The following CACNA2D3 variants were observed in gnomAD, a reference collection of about 807,000 sequenced individuals.
The protein encoded by CACNA2D3 is calcium voltage-gated channel auxiliary subunit alpha2delta 3.
A neutral mutation model predicts 160.6 loss-of-function variants in CACNA2D3; 60 were observed. That is an observed-to-expected ratio of 0.37 (90% CI 0.30 to 0.46). CACNA2D3 has a LOEUF of 0.46. Among genes scored for constraint, CACNA2D3 ranks in the 20% least tolerant of loss-of-function variants. The pLI is 1.00. For missense variants in CACNA2D3, 1,205 were observed against 1,365.0 expected, an observed-to-expected ratio of 0.88 and a Z score of 1.85; for synonymous variants, 558 against 492.9, an observed-to-expected ratio of 1.13 and a Z score of -1.75.
At chr3:54,709,269 C>T (rs1016334489) in intron 11 of CACNA2D3, among the ~76,000 whole-genome samples, 6 of 151,978 alleles carry the variant, frequency 3.9e-5, no homozygotes, top group African/African-American at 7.3e-5. Context: ...CCTGCCTTGG[C>T]GTCCCAAAGT....
At chr3:54,719,166 T>TC (rs1382948771) in intron 11 of CACNA2D3, among the ~76,000 whole-genome samples, 2 of 145,724 alleles carry the variant, frequency 1.4e-5, no homozygotes, top group East Asian at 3.9e-4. Flanking sequence ...TGGATTTCTT[T>TC]TTTTTTTTTT....
At chr3:55,067,352 G>A (rs1704681745) in intron 35 of CACNA2D3, among the ~76,000 whole-genome samples, 1 of 152,196 alleles carries the variant, frequency 6.6e-6, no homozygotes, top group Non-Finnish European at 1.5e-5. Flanking sequence ...GGGCTCCGGA[G>A]GGCTGCAACT....
chr3:54,819,089 C>T (rs1484131755), intron 14 of CACNA2D3, among the ~76,000 whole-genome samples: 1 of 151,290 alleles, frequency 6.6e-6, no homozygotes, highest in African/African-American at 2.4e-5. Context: ...CTCAGTGACA[C>T]TTGCAAGAGG....
At chr3:54,845,704 A>G (rs1698917236) in intron 16 of CACNA2D3, among the ~76,000 whole-genome samples, 2 of 152,262 alleles carry the variant, frequency 1.3e-5, no homozygotes, top group Non-Finnish European at 2.9e-5. Context: ...ATTGCTCACA[A>G]ACTATTTCCC....
intron 4 of CACNA2D3, among the ~76,000 whole-genome samples, chr3:54,429,713 C>A (rs1229470191): frequency 6.6e-6 from 1 of 152,148 alleles, no homozygotes; most frequent in Non-Finnish European, 1.5e-5. Flanking sequence ...TGGTACCCAG[C>A]AATATGAAGC....
chr3:55,072,296 A>G (rs939361824), intron 35 of CACNA2D3, among the ~76,000 whole-genome samples: 3 of 152,136 alleles, frequency 2.0e-5, no homozygotes, highest in African/African-American at 7.2e-5. Flanking sequence ...AAAGAAAGAA[A>G]CCAATTGTGT....
At chr3:54,318,816 C>T (rs1218525404) in intron 2 of CACNA2D3, among the ~76,000 whole-genome samples, 2 of 151,280 alleles carry the variant, frequency 1.3e-5, no homozygotes, top group South Asian at 4.2e-4. Flanking sequence ...CACTTCAGCT[C>T]ACCAAGCAGT....
At position 54,925,414 on chromosome 3, in the gene CACNA2D3, C is replaced by T. The variant is rs1478244383; in HGVS notation, c.2449+25546C>T. Among the ~76,000 whole-genome samples, 5 of 152,302 alleles carry T rather than the reference C, an allele frequency of 3.3e-5. No individual in the cohort carries two copies. The East Asian group carries it at 9.6e-4, about 29-fold the overall frequency. On this transcript the variant is annotated intron_variant, in intron 27 of 37. Transcript: ENST00000474759. ...ACATCCCCAGTGTCATTACCTTCTG[C>T]AGTCTTTGTGCCACCTATCGTCTGA...
At chr3:54,495,222 T>C (rs776140883) in intron 4 of CACNA2D3, among the ~76,000 whole-genome samples, 1 of 152,186 alleles carries the variant, frequency 6.6e-6, no homozygotes, top group Non-Finnish European at 1.5e-5. Flanking sequence ...CTGGGTGACA[T>C]CTTACAGTGA....
intron 21 of CACNA2D3, among the ~76,000 whole-genome samples, chr3:54,882,909 GC>G (rs1433352015): frequency 6.6e-6 from 1 of 152,210 alleles, no homozygotes; most frequent in African/African-American, 2.4e-5. Context: ...CAAATAGGTA[GC>G]TTTTGCTAAA....
chr3:54,569,691 A>T, intron 6 of CACNA2D3, 104 bp from the exon 7 acceptor site: 1 of 954,886 alleles, frequency 1.0e-6, no homozygotes, highest in Non-Finnish European at 1.6e-6. Context: ...TTTGCATGTG[A>T]TTTTTCACCC....
chr3:54,736,091 A>ATG (rs1228937227), intron 11 of CACNA2D3, among the ~76,000 whole-genome samples: 1 of 16,964 alleles, frequency 5.9e-5, no homozygotes, highest in Non-Finnish European at 1.5e-4. Context: ...ATGTATGTGT[A>ATG]TATATATACA....
intron 2 of CACNA2D3, among the ~76,000 whole-genome samples, chr3:54,198,112 A>G (rs536797294): frequency 8.9e-4 from 136 of 152,334 alleles, no homozygotes; most frequent in African/African-American, 3.2e-3. Context: ...ACCTTAAAAG[A>G]TCTAAAAGGC....
chr3:54,368,734 C>G (rs1698869985), intron 3 of CACNA2D3, among the ~76,000 whole-genome samples: 1 of 118,348 alleles, frequency 8.4e-6, no homozygotes, highest in Non-Finnish European at 1.7e-5. Context: ...CGGAGTCTCA[C>G]TCTGTCACCC....
chr3:54,580,363 C>A (rs1045632535), intron 8 of CACNA2D3, among the ~76,000 whole-genome samples: 1 of 151,994 alleles, frequency 6.6e-6, no homozygotes, highest in Non-Finnish European at 1.5e-5. Flanking sequence ...TAGGTCTAGC[C>A]CCTCTTCGAC....
intron 12 of CACNA2D3, among the ~76,000 whole-genome samples, chr3:54,763,880 T>TGTACATATATATACGTATATATAC (rs1559574002): frequency 5.4e-5 from 1 of 18,468 alleles, no homozygotes; most frequent in African/African-American, 2.2e-4. Flanking sequence ...CGTATATATA[T>TGTACATATATATACGTATATATAC]GTATATATAT....
intron 35 of CACNA2D3, among the ~76,000 whole-genome samples, chr3:55,069,566 TA>T (rs1420519060): frequency 1.3e-5 from 2 of 152,222 alleles, no homozygotes; most frequent in African/African-American, 4.8e-5. Context: ...GCTGTGGTTT[TA>T]TATGCTGATT....
chr3:54,994,007 C>G (rs1280614158), intron 31 of CACNA2D3, among the ~76,000 whole-genome samples: 1 of 151,452 alleles, frequency 6.6e-6, no homozygotes, highest in Non-Finnish European at 1.5e-5. Flanking sequence ...TTTACCTGTC[C>G]AAGGCCATTC....
intron 4 of CACNA2D3, among the ~76,000 whole-genome samples, chr3:54,406,344 A>G (rs1426850064): frequency 6.6e-6 from 1 of 152,124 alleles, no homozygotes; most frequent in African/African-American, 2.4e-5. Flanking sequence ...GCATATATAT[A>G]TGTATATAGT....
Sources: gnomAD v4.1 joint callset for allele counts (sites outside exome capture counted in the v4.1 genomes callset) on GRCh38, gnomAD v4.1.1 for gene constraint, MANE v1.5 for transcripts, NCBI Gene and HGNC (gene_info 2026-07-23, HGNC 2026-07-21) for gene names.